Variants in ZNF285 observed in about 807,000 individuals in gnomAD.
ZNF285 encodes the protein zinc finger protein 285.
Under a neutral mutation model 6.2 loss-of-function variants are expected in ZNF285, and 4 were observed. That is an observed-to-expected ratio of 0.65 (90% confidence interval 0.32 to 1.49). The LOEUF (loss-of-function observed/expected upper bound fraction) is 1.49. ZNF285 is among the 40% of genes most tolerant of loss of function. The pLI is 0.07. For synonymous variants in ZNF285, 240 were observed against 245.8 expected (o/e 0.98, Z 0.22); for missense variants, 695 against 708.8 (o/e 0.98, Z 0.22).
intron 2 of ZNF285, among the ~76,000 whole-genome samples, chr19:44,396,413 C>T (rs1292432319): frequency 1.3e-5 from 2 of 152,150 alleles, no homozygotes; most frequent in Non-Finnish European, 2.9e-5. Context: ...GGCTAAGCTA[C>T]AGTCCTCAGT....
chr19:44,400,196 C>T (rs1255110626), intron 1 of ZNF285, among the ~76,000 whole-genome samples: 2 of 148,108 alleles, frequency 1.4e-5, no homozygotes, highest in African/African-American at 5.2e-5. Context: ...AAAGTCCACA[C>T]AGCTCTCGCA....
chr19:44,386,329 C>T lies in ZNF285; in HGVS notation c.*143G>A, dbSNP rs1971068467. 2.2e-6 allele frequency: 2 copies of T among 894,284 alleles called. No homozygotes were observed. Among genetic ancestry groups the T allele is most frequent in the Non-Finnish European group, 3.3e-6 (2 of 605,200 alleles). 55.4% of individuals were successfully genotyped at this position (894,284 alleles called of 1,614,324 possible). The stretch of plus-strand genomic sequence containing the variant: ...TGAAATCCACAGTCCTTGCCTGGCA[C>T]ACTTCAGTGCTGCAGGCTGACATTA... On this transcript the variant is annotated 3_prime_UTR_variant, in exon 4 of 4. Coordinates refer to ENST00000614994, the MANE Select transcript of ZNF285 (RefSeq NM_152354.6).
chr19:44,388,964 A>C (rs1433963684), intron 3 of ZNF285, among the ~76,000 whole-genome samples: 1 of 143,572 alleles, frequency 7.0e-6, no homozygotes, highest in Non-Finnish European at 1.5e-5. Context: ...AATGGGGTAA[A>C]CATTGTGAAA....
In ZNF285 at chr19:44,382,496, C is replaced by T. The variant is rs909280212; in HGVS notation, c.*3976G>A. ...TGTATTTTTAGTAGAGACGGGGTTT[C>T]ACTATGTTGGCCAGGCTGGTCTCAA... is the stretch of plus-strand genomic sequence containing the variant. On this transcript the variant is annotated 3_prime_UTR_variant, in exon 4 of 4. Coordinates refer to ENST00000614994, the MANE Select transcript of ZNF285 (RefSeq NM_152354.6). The T allele has an allele frequency of 1.3e-5, 2 of 151,958 alleles. No individual in the cohort carries two copies. Among genetic ancestry groups the T allele is most frequent in the Admixed American group, 6.6e-5 (1 of 15,228 alleles). The allele number at this position is 151,958 out of a possible 1,614,324, so 9.4% of individuals were successfully genotyped here. A position where few individuals can be genotyped will look rare whatever the true frequency, so the allele number is the denominator to read the frequency against.
chr19:44,395,390 C>T (rs1308323058), intron 2 of ZNF285, among the ~76,000 whole-genome samples: 1 of 152,088 alleles, frequency 6.6e-6, no homozygotes, highest in Non-Finnish European at 1.5e-5. Flanking sequence ...GTTTCTGCAA[C>T]AAGTCAATAG....
chr19:44,382,976 G>C lies in ZNF285; in HGVS notation c.*3496C>G, dbSNP rs1971024768. 6.6e-6 allele frequency: 1 copy of C among 152,070 alleles called. No homozygotes were observed. The highest frequency in any genetic ancestry group is 1.5e-5 in the Non-Finnish European group (1 of 68,028). 9.4% of individuals were successfully genotyped at this position (152,070 alleles called of 1,614,324 possible). A position where few individuals can be genotyped will look rare whatever the true frequency, so the allele number is the denominator to read the frequency against. On this transcript the variant is annotated 3_prime_UTR_variant, in exon 4 of 4. Transcript: ENST00000614994. The stretch of plus-strand genomic sequence containing the variant: ...AGCTCCTCACCTAGGCATCCCAAAG[G>C]GAACTCCCAGAATTACCTTTGGACA...
intron 1 of ZNF285, 103 bp from the exon 2 acceptor site, chr19:44,397,359 C>G (rs1465548889): frequency 1.5e-6 from 2 of 1,367,306 alleles, no homozygotes; most frequent in Non-Finnish European, 2.1e-6. Context: ...TCTCCTCTCA[C>G]TGGATATCAT....
At chr19:44,390,062 A>G (rs1971166705) in intron 3 of ZNF285, among the ~76,000 whole-genome samples, 1 of 152,106 alleles carries the variant, frequency 6.6e-6, no homozygotes, top group Non-Finnish European at 1.5e-5. Context: ...TAACTCCCAT[A>G]ATTCCCACGT....
At chr19:44,394,540 T>C in intron 2 of ZNF285, 1 of 573,780 alleles carries the variant, frequency 1.7e-6, no homozygotes, top group Non-Finnish European at 3.1e-6. Flanking sequence ...ATCCCTTGAA[T>C]CTAAAATAAA....
chr19:44,393,573 G>C (rs1387093754), intron 2 of ZNF285, among the ~76,000 whole-genome samples: 1 of 152,082 alleles, frequency 6.6e-6, no homozygotes, highest in African/African-American at 2.4e-5. Context: ...CCATTCTGTA[G>C]GTTGCCTGTT....
At chr19:44,399,235 A>T (rs1486729738) in intron 1 of ZNF285, among the ~76,000 whole-genome samples, 1 of 146,824 alleles carries the variant, frequency 6.8e-6, no homozygotes, top group Non-Finnish European at 1.5e-5. Flanking sequence ...TACCTTTAAG[A>T]GACATCATTA....
Position 44,386,843 on chromosome 19 carries a change from T to C in ZNF285, c.1402A>G (p.Ser468Gly), listed in dbSNP as rs1971086617. ...CNVCGKDFAY[S>G]SVLHTHQRVH... ...CTCTGATGAGTGTGAAGAACAGAGCTATACGCAAAATCCTTTCCACACACA... is the reference window on the plus strand; with the variant it reads ...CTCTGATGAGTGTGAAGAACAGAGCCATACGCAAAATCCTTTCCACACACA... The change falls in exon 4 of 4, where the codon AGC becomes GGC. Residue 468 changes from serine (S) to glycine (G), a missense_variant. By Grantham distance (56) the Ser-to-Gly change is moderately conservative (BLOSUM62 0). Coordinates refer to ENST00000614994, the MANE Select transcript of ZNF285 (RefSeq NM_152354.6). The C allele has an allele frequency of 6.2e-7, 1 of 1,614,258 alleles. No homozygotes were observed. The highest frequency in any genetic ancestry group is 2.2e-5 in the East Asian group (1 of 44,892).
In ZNF285 at chr19:44,383,683, A is replaced by T. The variant is rs751607987; in HGVS notation, c.*2789T>A. ...TGTGTGTGTTATGAGGCAGAAGCTG[A>T]TAAGCATATTTAGGATAAATTATAC... On this transcript the variant is annotated 3_prime_UTR_variant, in exon 4 of 4. Coordinates refer to ENST00000614994, the MANE Select transcript of ZNF285 (RefSeq NM_152354.6). The T allele has an allele frequency of 6.6e-6, 1 of 152,340 alleles. No homozygotes were observed. Among genetic ancestry groups the T allele is most frequent in the Non-Finnish European group, 1.5e-5 (1 of 68,024 alleles). 9.4% of individuals were successfully genotyped at this position (152,340 alleles called of 1,614,324 possible).
intron 2 of ZNF285, 50 bp downstream of exon 2, chr19:44,397,149 G>A (rs1261359914): frequency 6.2e-7 from 1 of 1,612,878 alleles, no homozygotes; most frequent in African/African-American, 1.3e-5. Context: ...GAAGTGTCTG[G>A]TTCCTCAGAA....
chr19:44,394,510 C>T (rs542061551), intron 2 of ZNF285: 35 of 529,956 alleles, frequency 6.6e-5, no homozygotes, highest in Middle Eastern at 3.6e-4. Context: ...AATTTACCCA[C>T]GTAACAAACC....
chr19:44,394,570 A>G, intron 2 of ZNF285: 1 of 586,734 alleles, frequency 1.7e-6, no homozygotes, highest in Non-Finnish European at 3.0e-6. Context: ...GAAGAAAAGA[A>G]AATTTTAAAA....
In ZNF285 at chr19:44,387,687, A is replaced by G. The variant is rs147525213; in HGVS notation, c.558T>C (p.Ser186=). ...ACTCATGATGATCACATGAGGTCCA[A>G]CTGAGGCTGTCATCATGCTGAGCAC... The part of the protein sequence containing the change: ...YRRAQHDDSL[S]WTSCDHHESQ... The change falls in exon 4 of 4, where the codon AGT becomes AGC. Residue 186 remains serine (S), a synonymous_variant. Transcript: ENST00000614994. 2,279 of 1,611,002 alleles carry G rather than the reference A, an allele frequency of 1.4e-3. 24 individuals are homozygous for G. Among genetic ancestry groups the G allele is most frequent in the African/African-American group, 0.012 (878 of 74,238 alleles).
chr19:44,390,108 A>C (rs1010314553), intron 3 of ZNF285, among the ~76,000 whole-genome samples: 13 of 152,122 alleles, frequency 8.5e-5, no homozygotes, highest in African/African-American at 3.1e-4. Flanking sequence ...CAGAGCCCCC[A>C]CACAGAGTCC....
chr19:44,386,455 A>T lies in ZNF285; in HGVS notation c.*17T>A, dbSNP rs1466529899. 2 of 1,602,400 alleles carry T rather than the reference A, an allele frequency of 1.2e-6. No individual in the cohort carries two copies. The highest frequency in any genetic ancestry group is 1.7e-6 in the Non-Finnish European group (2 of 1,172,692). On this transcript the variant is annotated 3_prime_UTR_variant, in exon 4 of 4. Transcript: ENST00000614994. ...GTGTGGCTTCTGTTTTACTAATTGA[A>T]CCCTGACTTACTACATTTATAATGT...
Sources: gnomAD v4.1 joint callset for allele counts (sites outside exome capture counted in the v4.1 genomes callset) on GRCh38, gnomAD v4.1.1 for gene constraint, MANE v1.5 for transcripts, NCBI Gene and HGNC (gene_info 2026-07-23, HGNC 2026-07-21) for gene names.